TMEM117: variants seen among roughly 807,000 people sequenced by gnomAD.
TMEM117 encodes transmembrane protein 117.
A neutral mutation model predicts 52.4 loss-of-function variants in TMEM117; 27 were observed. The observed-to-expected ratio is 0.51, with a 90% CI of 0.38 to 0.71. TMEM117 has a LOEUF of 0.71. TMEM117 is among the 30% of genes least tolerant of loss of function. The pLI is 0.00. For missense variants in TMEM117, 556 were observed against 630.5 expected (o/e 0.88, Z 1.26); for synonymous variants, 215 against 206.3 (o/e 1.04, Z -0.36).
intron 2 of TMEM117, among the ~76,000 whole-genome samples, chr12:43,905,815 G>A (rs4238088): frequency 0.95 from 144,847 of 152,236 alleles, 68,985 homozygotes; most frequent in East Asian, 1. Context: ...TGTTTCCTCC[G>A]TGTTGTGATC....
chr12:43,898,176 A>C (rs1944242784), intron 2 of TMEM117, among the ~76,000 whole-genome samples: 1 of 151,758 alleles, frequency 6.6e-6, no homozygotes, highest in Non-Finnish European at 1.5e-5. Context: ...CCTCCAGATG[A>C]GTTTGTAGAT....
intron 2 of TMEM117, among the ~76,000 whole-genome samples, chr12:43,861,243 C>T (rs1199968584): frequency 6.6e-6 from 1 of 152,194 alleles, no homozygotes. Context: ...TCTCAGATCC[C>T]CCCATAGAGT....
intron 3 of TMEM117, among the ~76,000 whole-genome samples, chr12:44,104,293 CTTG>C (rs555911404): frequency 3.9e-5 from 6 of 151,980 alleles, no homozygotes; most frequent in African/African-American, 1.4e-4. Flanking sequence ...TCTCTCCATT[CTTG>C]TTTTTTCTCT....
intron 2 of TMEM117, among the ~76,000 whole-genome samples, chr12:43,858,518 A>G (rs1943436295): frequency 6.6e-6 from 1 of 152,238 alleles, no homozygotes; most frequent in South Asian, 2.1e-4. Context: ...TGTGGAGCCC[A>G]GAGAAACTCA....
intron 3 of TMEM117, among the ~76,000 whole-genome samples, chr12:43,980,003 G>C (rs1351020448): frequency 6.6e-6 from 1 of 152,108 alleles, no homozygotes; most frequent in African/African-American, 2.4e-5. Context: ...CAAAAGAAAT[G>C]GGTTCATAGA....
intron 2 of TMEM117, among the ~76,000 whole-genome samples, chr12:43,927,303 T>C (rs559777830): frequency 6.6e-6 from 1 of 152,192 alleles, no homozygotes; most frequent in East Asian, 1.9e-4. Context: ...AGGTTTGTTT[T>C]GTCAATTTTA....
chr12:44,240,529 C>T (rs902925572), intron 5 of TMEM117, among the ~76,000 whole-genome samples: 3 of 152,042 alleles, frequency 2.0e-5, no homozygotes, highest in African/African-American at 7.2e-5. Flanking sequence ...CCCAGTTACC[C>T]ACGACTTCTT....
the TMEM117 span, among the ~76,000 whole-genome samples, chr12:43,829,134 T>C: frequency 6.6e-6 from 1 of 152,136 alleles, no homozygotes; most frequent in Non-Finnish European, 1.5e-5. Flanking sequence ...ATTTCTTTCT[T>C]CCCCCATTAC....
intron 2 of TMEM117, among the ~76,000 whole-genome samples, chr12:43,928,474 C>A (rs1220557710): frequency 6.6e-6 from 1 of 151,616 alleles, no homozygotes; most frequent in Non-Finnish European, 1.5e-5. Flanking sequence ...TTGTTTTTTT[C>A]ATTTTTAAAA....
At chr12:44,152,390 A>G (rs1948751492) in intron 4 of TMEM117, among the ~76,000 whole-genome samples, 1 of 113,506 alleles carries the variant, frequency 8.8e-6, no homozygotes, top group Non-Finnish European at 1.6e-5. Flanking sequence ...TTATATATTT[A>G]TATATAATAT....
At chr12:44,373,710 T>A (rs977173145) in intron 6 of TMEM117, among the ~76,000 whole-genome samples, 1 of 149,580 alleles carries the variant, frequency 6.7e-6, no homozygotes. Context: ...CCGTCCCAAA[T>A]CTCTCTGCTT....
intron 6 of TMEM117, among the ~76,000 whole-genome samples, chr12:44,313,272 A>G (rs1951014034): frequency 6.6e-6 from 1 of 151,980 alleles, no homozygotes; most frequent in African/African-American, 2.4e-5. Context: ...TCCCATCTTG[A>G]GTTAGTTTTT....
intron 4 of TMEM117, among the ~76,000 whole-genome samples, chr12:44,198,478 A>G (rs977695242): frequency 1.3e-5 from 2 of 152,152 alleles, no homozygotes; most frequent in Admixed American, 6.6e-5. Flanking sequence ...AAAATTAACC[A>G]GAAACTCTTT....
chr12:43,969,489 T>G (rs941181833), intron 3 of TMEM117, among the ~76,000 whole-genome samples: 1 of 150,816 alleles, frequency 6.6e-6, no homozygotes, highest in Non-Finnish European at 1.5e-5. Flanking sequence ...ACCACTGCAC[T>G]CCAGCCTGGG....
chr12:43,886,023 C>G (rs1943987599), intron 2 of TMEM117, among the ~76,000 whole-genome samples: 1 of 152,166 alleles, frequency 6.6e-6, no homozygotes, highest in Non-Finnish European at 1.5e-5. Flanking sequence ...AGGCAGTCAG[C>G]ATGACATGGG....
At chr12:44,308,051 T>A (rs1004532396) in intron 6 of TMEM117, among the ~76,000 whole-genome samples, 1 of 152,230 alleles carries the variant, frequency 6.6e-6, no homozygotes, top group Admixed American at 6.5e-5. Flanking sequence ...CAGGTTTTTA[T>A]GTATAACATG....
At chr12:44,135,920 A>G (rs1948483780) in intron 3 of TMEM117, among the ~76,000 whole-genome samples, 1 of 152,198 alleles carries the variant, frequency 6.6e-6, no homozygotes, top group Non-Finnish European at 1.5e-5. Flanking sequence ...TCTACTTTGA[A>G]CAGCATCAAA....
the TMEM117 span, among the ~76,000 whole-genome samples, chr12:43,821,728 A>T: frequency 1.3e-5 from 2 of 152,246 alleles, no homozygotes; most frequent in Non-Finnish European, 2.9e-5. Context: ...AGAGCTGAAT[A>T]AGCCCGTCTT....
At chr12:43,866,048 A>T (rs1943591630) in intron 2 of TMEM117, among the ~76,000 whole-genome samples, 1 of 151,868 alleles carries the variant, frequency 6.6e-6, no homozygotes, top group Admixed American at 6.5e-5. Context: ...ATTAGCAAAG[A>T]CTTTATAACA....
Sources: allele counts gnomAD v4.1 joint callset (sites outside exome capture counted in the v4.1 genomes callset), GRCh38; gene constraint gnomAD v4.1.1; transcripts MANE v1.5; gene names NCBI Gene and HGNC (gene_info 2026-07-23, HGNC 2026-07-21).